Variants in TXNL4A observed in about 807,000 individuals in gnomAD.
TXNL4A encodes the protein thioredoxin like 4A, also known as thioredoxin-like protein 4A.
In TXNL4A, 17 loss-of-function variants were observed where a neutral mutation model predicts 14.6. That is an observed-to-expected ratio of 1.16 (90% CI 0.80 to 1.74). The LOEUF (loss-of-function observed/expected upper bound fraction) is 1.74, where lower values mean the gene tolerates loss of function less well. Ranked by LOEUF, TXNL4A falls within the 40% of genes most tolerant of loss-of-function variation. The probability of loss-of-function intolerance (pLI) is 0.00; values close to 1 mark genes in which losing one functional copy is unlikely to be tolerated. For synonymous variants in TXNL4A, 83 were observed against 70.6 expected, an observed-to-expected ratio of 1.18 and a Z score of -0.88; for missense variants, 74 against 195.2, an observed-to-expected ratio of 0.38 and a Z score of 3.70.
intron 1 of TXNL4A, among the ~76,000 whole-genome samples, chr18:80,003,805 G>GA (rs2051712204): frequency 6.6e-6 from 1 of 152,188 alleles, no homozygotes. Flanking sequence ...AATCAATGCA[G>GA]AAGGCAGGTA....
intron 1 of TXNL4A, among the ~76,000 whole-genome samples, chr18:79,987,922 C>CAAG (rs1050095221): frequency 3.3e-5 from 5 of 152,270 alleles, no homozygotes; most frequent in African/African-American, 1.2e-4. Flanking sequence ...ATAAAACCTG[C>CAAG]AAGTGCATTT....
intron 1 of TXNL4A, among the ~76,000 whole-genome samples, chr18:80,028,531 C>T (rs1023774035): frequency 6.6e-6 from 1 of 152,138 alleles, no homozygotes; most frequent in African/African-American, 2.4e-5. Context: ...GACAGACCTA[C>T]AAGAGATGCC....
intron 1 of TXNL4A, among the ~76,000 whole-genome samples, chr18:79,987,662 C>T (rs1398834723): frequency 6.6e-6 from 1 of 152,190 alleles, no homozygotes; most frequent in African/African-American, 2.4e-5. Flanking sequence ...ACTCAGTGTA[C>T]TAATATTAGA....
At chr18:80,000,203 A>G (rs140181911) in intron 1 of TXNL4A, among the ~76,000 whole-genome samples, 1 of 152,332 alleles carries the variant, frequency 6.6e-6, no homozygotes, top group East Asian at 1.9e-4. Context: ...GGCTCAGAAG[A>G]AGACAGGAAC....
intron 1 of TXNL4A, among the ~76,000 whole-genome samples, chr18:79,996,103 CAA>C (rs60443481): frequency 5.7e-3 from 348 of 61,284 alleles, no homozygotes; most frequent in African/African-American, 0.011. Flanking sequence ...GACTCTGACT[CAA>C]AAAAAAAAAA....
At chr18:80,023,157 G>C (rs551083503) in intron 1 of TXNL4A, among the ~76,000 whole-genome samples, 1 of 152,128 alleles carries the variant, frequency 6.6e-6, no homozygotes, top group East Asian at 1.9e-4. Flanking sequence ...ATGCAGAACA[G>C]GTGCCTTAAA....
chr18:80,012,830 ATTTTTTT>A lies in TXNL4A; in HGVS notation c.-61+21014_-61+21020del, dbSNP rs780269210. ...CAAATTTGCAGATTACTTCCATTAA[ATTTTTTT>A]TTTTTTTTTGGGACCGGGGTCCAGT... On this transcript the variant is annotated intron_variant, in intron 1 of 2. Coordinates refer to the TXNL4A transcript ENST00000585474. Among the ~76,000 whole-genome samples, 9 of 143,348 alleles carry A rather than the reference ATTTTTTT, an allele frequency of 6.3e-5. No individual in the cohort carries two copies. In the East Asian group the frequency reaches 1.8e-3, roughly 29 times the overall value. 94.0% of individuals were successfully genotyped at this position (143,348 alleles called of 152,430 possible).
intron 1 of TXNL4A, chr18:79,995,186 C>G (rs1599737470): frequency 6.6e-6 from 1 of 152,226 alleles, no homozygotes; most frequent in African/African-American, 2.4e-5. Flanking sequence ...GAATCTATGA[C>G]CCGGGTCATT....
At position 79,977,637 on chromosome 18, in the gene TXNL4A, T is replaced by A; in HGVS notation, c.218A>T (p.Tyr73Phe). 6.2e-7 allele frequency: 1 copy of A among 1,613,016 alleles called. No homozygotes were observed. The highest frequency in any genetic ancestry group is 8.5e-7 in the Non-Finnish European group (1 of 1,179,650). ...ITEVPDFNKM[Y>F]ELYDPCTVMF... is the part of the protein sequence containing the mutation. ...GACAGTACATGGATCGTATAACTCA[T>A]ACATTTTGTTGAAGTCAGGCACTTC... is the stretch of plus-strand genomic sequence containing the variant. The change falls in exon 2 of 3, where the codon TAT (tyrosine) becomes TTT (phenylalanine). Residue 73 changes from tyrosine (Y) to phenylalanine (F), a missense_variant. Physicochemically the swap from Tyr to Phe is conservative, Grantham distance 22. Around this residue, in one of 3 missense-constraint regions of TXNL4A, gnomAD observed 55 missense variants for 116.1 expected, o/e 0.47. Transcript: ENST00000269601.
intron 1 of TXNL4A, among the ~76,000 whole-genome samples, chr18:79,980,359 T>C (rs2051444490): frequency 6.6e-6 from 1 of 152,178 alleles, no homozygotes; most frequent in African/African-American, 2.4e-5. Flanking sequence ...CAATGGGATA[T>C]GCACAACATT....
At chr18:80,026,200 A>C (rs891918300) in intron 1 of TXNL4A, among the ~76,000 whole-genome samples, 1 of 152,240 alleles carries the variant, frequency 6.6e-6, no homozygotes, top group Non-Finnish European at 1.5e-5. Context: ...TAGCTGACCG[A>C]TTATCCCACG....
chr18:79,973,541 G>A lies in TXNL4A; in HGVS notation c.*144C>T, dbSNP rs1286172661. The A allele has an allele frequency of 1.9e-6, 2 of 1,025,884 alleles. No homozygotes were observed. Among genetic ancestry groups the A allele is most frequent in the South Asian group, 2.1e-5 (1 of 48,618 alleles). 63.5% of individuals were successfully genotyped at this position (1,025,884 alleles called of 1,614,324 possible). A position where few individuals can be genotyped will look rare whatever the true frequency, so the allele number is the denominator to read the frequency against. ...TCTCACCACGTGCTTGTTTATTTCGGTGAGTTAAGACCATGTTATCAATTC... is the reference window on the plus strand; with the variant it reads ...TCTCACCACGTGCTTGTTTATTTCGATGAGTTAAGACCATGTTATCAATTC... On this transcript the variant is annotated 3_prime_UTR_variant, in exon 3 of 3. Coordinates refer to ENST00000269601, the MANE Select transcript of TXNL4A (RefSeq NM_006701.5).
At chr18:80,014,625 G>C (rs1055585757) in intron 1 of TXNL4A, among the ~76,000 whole-genome samples, 1 of 152,212 alleles carries the variant, frequency 6.6e-6, no homozygotes, top group Admixed American at 6.5e-5. Context: ...CTGGCGTTGA[G>C]TGTCTGCTAC....
intron 1 of TXNL4A, among the ~76,000 whole-genome samples, chr18:80,010,448 G>A (rs1002970744): frequency 6.6e-6 from 1 of 152,170 alleles, no homozygotes; most frequent in African/African-American, 2.4e-5. Flanking sequence ...GGACCTATTA[G>A]GAGCTGAAGT....
chr18:80,006,251 GCAT>G (rs1263655816), intron 1 of TXNL4A, among the ~76,000 whole-genome samples: 5 of 152,050 alleles, frequency 3.3e-5, no homozygotes, highest in Admixed American at 1.3e-4. Context: ...GGGTGTGGTG[GCAT>G]GCGCCTGTAG....
chr18:80,029,180 T>C (rs1268008152), intron 1 of TXNL4A, among the ~76,000 whole-genome samples: 2 of 152,180 alleles, frequency 1.3e-5, no homozygotes, highest in Non-Finnish European at 2.9e-5. Context: ...GTGCCCCTTA[T>C]GGAATATGTC....
At chr18:79,990,888 A>C (rs2051622861), upstream of TXNL4A, among the ~76,000 whole-genome samples, 1 of 150,990 alleles carries the variant, frequency 6.6e-6, no homozygotes, top group South Asian at 2.1e-4. Flanking sequence ...GCGGATCACG[A>C]GGTCAGGAGA....
At chr18:80,030,111 G>A (rs1336933947) in intron 1 of TXNL4A, among the ~76,000 whole-genome samples, 1 of 152,176 alleles carries the variant, frequency 6.6e-6, no homozygotes, top group Non-Finnish European at 1.5e-5. Context: ...AACCTCCTGA[G>A]TGGATTGTAA....
At chr18:79,988,146 G>T (rs769126707) in intron 1 of TXNL4A, 94 bp downstream of exon 1, 1 of 1,306,482 alleles carries the variant, frequency 7.7e-7, no homozygotes, top group African/African-American at 1.5e-5. Flanking sequence ...CCTCCTCGGG[G>T]AACAGCTCGC....
Sources: allele counts gnomAD v4.1 joint callset (sites outside exome capture counted in the v4.1 genomes callset), GRCh38; gene constraint gnomAD v4.1.1; regional missense constraint gnomAD v4.1.1; transcripts MANE v1.5; gene names NCBI Gene and HGNC (gene_info 2026-07-23, HGNC 2026-07-21).